The following NFAT5 variants were observed in gnomAD, a reference collection of about 807,000 sequenced individuals.
NFAT5 encodes nuclear factor of activated T-cells 5.
NFAT5 carries 31 observed loss-of-function variants against 166.5 expected under a neutral mutation model. The observed-to-expected ratio is 0.19, with a 90% CI of 0.14 to 0.25. The LOEUF (loss-of-function observed/expected upper bound fraction) is 0.25. Ranked by LOEUF, NFAT5 falls within the 10% of genes least tolerant of loss-of-function variation. The probability of loss-of-function intolerance (pLI) is 1.00; values close to 1 mark genes in which losing one functional copy is unlikely to be tolerated. For missense variants in NFAT5, 1,449 were observed against 1,821.8 expected (o/e 0.80, Z 3.72); for synonymous variants, 612 against 639.7 (o/e 0.96, Z 0.65).
Position 69,691,097 on chromosome 16 carries a change from T to C in NFAT5, c.1923+9T>C. 2 of 1,561,610 alleles carry C rather than the reference T, an allele frequency of 1.3e-6. No homozygotes were observed. Among genetic ancestry groups the C allele is most frequent in the Admixed American group, 2.0e-5 (1 of 50,804 alleles). On this transcript the variant is annotated intron_variant, in intron 12 of 14. Coordinates refer to ENST00000349945, the MANE Select transcript of NFAT5 (RefSeq NM_138713.4). ...CTTCCACTATTTTTAAGGTAAGCTG[T>C]ATTGACTAGTGCACAAACCTCCTAT...
At chr16:69,626,140 G>T (rs146290298) in intron 2 of NFAT5, among the ~76,000 whole-genome samples, 1 of 151,072 alleles carries the variant, frequency 6.6e-6, no homozygotes, top group African/African-American at 2.4e-5. Context: ...CTTTTGTAGA[G>T]ATGGGGGTCA....
chr16:69,640,079 A>G (rs1017125072), intron 3 of NFAT5, among the ~76,000 whole-genome samples: 59 of 152,184 alleles, frequency 3.9e-4, no homozygotes, highest in African/African-American at 1.3e-3. Context: ...ATAATCTGGA[A>G]TGCTTATTTT....
In NFAT5 at chr16:69,647,120, A is replaced by G. The variant is rs1042925684; in HGVS notation, c.346A>G (p.Thr116Ala). ...CCCTACCATTTATTCTACCTCAGTCACCGACAGCAAGGCTATGCAAGTGGA... is the reference window on the plus strand; with the variant it reads ...CCCTACCATTTATTCTACCTCAGTCGCCGACAGCAAGGCTATGCAAGTGGA... ...SSPTIYSTSV[T>A]DSKAMQVESC... is the part of the protein sequence containing the mutation. Residue 116 changes from threonine to alanine, a missense_variant, in exon 4 of 15, where the codon ACC becomes GCC. Physicochemically the swap from Thr to Ala is moderately conservative, Grantham distance 58. Transcript: ENST00000349945. This position sits in a 1 kb window ranked among gnomAD's most constrained non-coding sequence, Gnocchi z 4.8. The G allele has an allele frequency of 1.9e-5, 31 of 1,613,738 alleles. No individual in the cohort carries two copies. Among genetic ancestry groups the G allele is most frequent in the Non-Finnish European group, 2.5e-5 (30 of 1,179,856 alleles).
chr16:69,566,317 A>G lies in NFAT5; in HGVS notation c.16A>G (p.Ile6Val). Residue 6 changes from isoleucine to valine, a missense_variant, in exon 1 of 15, where the codon ATC becomes GTC. Physicochemically the swap from Ile to Val is conservative, Grantham distance 29. Coordinates refer to ENST00000349945, the MANE Select transcript of NFAT5 (RefSeq NM_138713.4). The surrounding 1 kb of genome is among the most constrained non-coding windows in gnomAD (Gnocchi z 5.7). MPSDFISLLSADLDLE... is the reference protein window; with the variant it reads MPSDFVSLLSADLDLE... Reference sequence around the variant, plus strand: ...TCGAGCTGCGATGCCCTCGGACTTCATCTCATTGCTCAGCGCGGACCTAGA... The same window carrying G: ...TCGAGCTGCGATGCCCTCGGACTTCGTCTCATTGCTCAGCGCGGACCTAGA... 6.2e-7 allele frequency: 1 copy of G among 1,607,292 alleles called. No homozygotes were observed. The highest frequency in any genetic ancestry group is 8.5e-7 in the Non-Finnish European group (1 of 1,177,960).
chr16:69,624,514 G>A (rs113096031), intron 2 of NFAT5, among the ~76,000 whole-genome samples: 6 of 152,204 alleles, frequency 3.9e-5, no homozygotes, highest in African/African-American at 1.4e-4. Flanking sequence ...CCAGGTAACA[G>A]CATTTTTCAA....
intron 1 of NFAT5, among the ~76,000 whole-genome samples, chr16:69,567,308 A>G (rs2016124246): frequency 6.6e-6 from 1 of 152,320 alleles, no homozygotes; most frequent in East Asian, 1.9e-4. Context: ...ATCCCTACTC[A>G]GGTGAAATTC....
intron 2 of NFAT5, among the ~76,000 whole-genome samples, chr16:69,610,117 A>C (rs1182231649): frequency 6.6e-6 from 1 of 152,210 alleles, no homozygotes; most frequent in Non-Finnish European, 1.5e-5. Context: ...CTAACTTTTT[A>C]AGGCTTTAAA....
intron 2 of NFAT5, among the ~76,000 whole-genome samples, chr16:69,617,767 C>T (rs1021465878): frequency 1.3e-5 from 2 of 152,054 alleles, no homozygotes; most frequent in African/African-American, 4.8e-5. Flanking sequence ...GCCTGGATTA[C>T]AGGCATGAGC....
At chr16:69,662,249 G>T (rs546641964) in intron 7 of NFAT5, among the ~76,000 whole-genome samples, 1 of 152,154 alleles carries the variant, frequency 6.6e-6, no homozygotes, top group African/African-American at 2.4e-5. Context: ...AGTAAAACAA[G>T]TAAAATGGGA....
At chr16:69,659,984 A>G (rs2036053010) in intron 7 of NFAT5, 85 bp downstream of exon 7, 1 of 1,179,114 alleles carries the variant, frequency 8.5e-7, no homozygotes, top group African/African-American at 1.5e-5. Context: ...AATTTTAGAT[A>G]TTTCATATGC....
chr16:69,612,634 C>T (rs1222085195), intron 2 of NFAT5, among the ~76,000 whole-genome samples: 1 of 151,882 alleles, frequency 6.6e-6, no homozygotes. Context: ...CCACTTGAGC[C>T]CAAGAATTGG....
intron 4 of NFAT5, chr16:69,649,417 C>G (rs765978943): frequency 1.0e-6 from 1 of 984,048 alleles, no homozygotes; most frequent in Non-Finnish European, 1.2e-6. Context: ...CTTCATTTTT[C>G]TGCTTCTACT....
chr16:69,700,916 A>C lies in NFAT5; in HGVS notation c.*4565A>C, dbSNP rs2037886719. The C allele has an allele frequency of 6.6e-6, 1 of 151,576 alleles. No individual in the cohort carries two copies. Among genetic ancestry groups the C allele is most frequent in the Admixed American group, 6.6e-5 (1 of 15,180 alleles). 9.4% of individuals were successfully genotyped at this position (151,576 alleles called of 1,614,324 possible). A position where few individuals can be genotyped will look rare whatever the true frequency, so the allele number is the denominator to read the frequency against. On this transcript the variant is annotated 3_prime_UTR_variant, in exon 15 of 15. Transcript: ENST00000349945. The stretch of plus-strand genomic sequence containing the variant: ...ATAATATCTACAATATCATTTGTGG[A>C]TGGTCCCAGGTCCCAGTGCTCTAGT...
At chr16:69,579,273 G>T (rs1412053688) in intron 2 of NFAT5, among the ~76,000 whole-genome samples, 1 of 152,106 alleles carries the variant, frequency 6.6e-6, no homozygotes, top group Non-Finnish European at 1.5e-5. Context: ...TTGGGCTAAC[G>T]TAGGGTGAAT....
chr16:69,695,288 A>T lies in NFAT5; in HGVS notation c.4567A>T (p.Ile1523Leu). ...AGAGAATTCTCCACTGGCATCCTCT[A>T]TAAACACCAACCAGAACATCGAAAA... ...MPENSPLASS[I>L]NTNQNIEKID... Residue 1523 changes from isoleucine to leucine, a missense_variant, in exon 14 of 15, where the codon ATA becomes TTA. Ile to Leu is a conservative substitution (Grantham distance 5, BLOSUM62 2). Coordinates refer to ENST00000349945, the MANE Select transcript of NFAT5 (RefSeq NM_138713.4). 6.2e-7 allele frequency: 1 copy of T among 1,614,228 alleles called. No individual in the cohort carries two copies. Among genetic ancestry groups the T allele is most frequent in the East Asian group, 2.2e-5 (1 of 44,884 alleles).
chr16:69,566,492 T>A lies in NFAT5; in HGVS notation c.73+118T>A. On this transcript the variant is annotated intron_variant, in intron 1 of 14. Transcript: ENST00000349945. This position sits in a 1 kb window ranked among gnomAD's most constrained non-coding sequence, Gnocchi z 5.7. ...GGGGGCGGCTGAGCCGCGACCCCCATGGCTTCTTTGGCCGGAGCGGGCAGA... is the reference window on the plus strand; with the variant it reads ...GGGGGCGGCTGAGCCGCGACCCCCAAGGCTTCTTTGGCCGGAGCGGGCAGA... The A allele has an allele frequency of 1.2e-6, 1 of 848,294 alleles. No individual in the cohort carries two copies. Among genetic ancestry groups the A allele is most frequent in the South Asian group, 1.4e-5 (1 of 69,300 alleles). 52.5% of individuals were successfully genotyped at this position (848,294 alleles called of 1,614,324 possible).
At chr16:69,658,444 T>C (rs1234210476) in intron 6 of NFAT5, among the ~76,000 whole-genome samples, 2 of 150,606 alleles carry the variant, frequency 1.3e-5, no homozygotes, top group Non-Finnish European at 3.0e-5. Flanking sequence ...GATTGCAACA[T>C]TGTGCTCCAG....
intron 3 of NFAT5, chr16:69,646,505 T>C: frequency 8.2e-7 from 1 of 1,216,106 alleles, no homozygotes; most frequent in Non-Finnish European, 1.1e-6. Flanking sequence ...TTTTCTCATA[T>C]TTTTATTCCA....
Position 69,692,780 on chromosome 16 carries a change from T to G in NFAT5, c.2955T>G (p.Ser985=), listed in dbSNP as rs2037599925. ...SPPAVSGNET[S]TTTTQQVATP... is the part of the protein sequence containing the mutation. ...CTGCAGTTTCTGGAAATGAAACTTC[T>G]ACAACTACCACACAGCAGGTTGCAA... Residue 985 remains serine (S), a synonymous_variant, in exon 13 of 15, where the codon TCT becomes TCG. Coordinates refer to ENST00000349945, the MANE Select transcript of NFAT5 (RefSeq NM_138713.4). 21 of 1,614,212 alleles carry G rather than the reference T, an allele frequency of 1.3e-5. No homozygotes were observed. Among genetic ancestry groups the G allele is most frequent in the Non-Finnish European group, 1.8e-5 (21 of 1,180,032 alleles).
Sources: allele counts gnomAD v4.1 joint callset (sites outside exome capture counted in the v4.1 genomes callset), GRCh38; gene constraint gnomAD v4.1.1; non-coding constraint Gnocchi (gnomAD v3.1); transcripts MANE v1.5; gene names NCBI Gene and HGNC (gene_info 2026-07-23, HGNC 2026-07-21).